MAPK10: variants seen among roughly 807,000 people sequenced by gnomAD.
The protein encoded by MAPK10 is JNK3 alpha protein kinase.
A neutral mutation model predicts 59.3 loss-of-function variants in MAPK10; 25 were observed. The ratio of observed to expected loss-of-function variants is 0.42; its 90% confidence interval spans 0.31 to 0.59. The LOEUF (loss-of-function observed/expected upper bound fraction) is 0.59, where lower values mean the gene tolerates loss of function less well. MAPK10 is among the 20% of genes least tolerant of loss of function. The probability of loss-of-function intolerance (pLI) is 0.15; values close to 1 mark genes in which losing one functional copy is unlikely to be tolerated. For synonymous variants in MAPK10, 190 were observed against 200.5 expected, an observed-to-expected ratio of 0.95 and a Z score of 0.44; for missense variants, 351 against 568.9, an observed-to-expected ratio of 0.62 and a Z score of 3.90.
At chr4:86,572,933 T>A (rs1761577891) in intron 1 of MAPK10, among the ~76,000 whole-genome samples, 1 of 152,190 alleles carries the variant, frequency 6.6e-6, no homozygotes, top group South Asian at 2.1e-4. Flanking sequence ...TATCTGGATA[T>A]CTTCTTTAGT....
intron 1 of MAPK10, among the ~76,000 whole-genome samples, chr4:86,420,719 G>A (rs748338212): frequency 3.3e-5 from 5 of 152,120 alleles, no homozygotes; most frequent in Admixed American, 6.5e-5. Flanking sequence ...AGCCTGGAAG[G>A]TCAAGGCTGC....
chr4:86,519,678 T>TTG (rs771062414), intron 1 of MAPK10, among the ~76,000 whole-genome samples: 62 of 151,754 alleles, frequency 4.1e-4, no homozygotes, highest in Non-Finnish European at 2.8e-4. Flanking sequence ...ATACCTCATT[T>TTG]TGTGTGTGTG....
At chr4:86,226,501 T>C (rs1429455047) in intron 2 of MAPK10, among the ~76,000 whole-genome samples, 3 of 152,248 alleles carry the variant, frequency 2.0e-5, no homozygotes, top group African/African-American at 7.2e-5. Flanking sequence ...AGTTTAAAGA[T>C]ATTTCAAAAT....
chr4:86,235,453 T>C (rs1563407698), intron 2 of MAPK10, among the ~76,000 whole-genome samples: 1 of 152,232 alleles, frequency 6.6e-6, no homozygotes, highest in Non-Finnish European at 1.5e-5. Context: ...GCTCACCTTG[T>C]GAAAATCCAT....
At chr4:86,034,515 T>C (rs1270036638) in intron 11 of MAPK10, among the ~76,000 whole-genome samples, 1 of 152,192 alleles carries the variant, frequency 6.6e-6, no homozygotes, top group Non-Finnish European at 1.5e-5. Context: ...TACTAGAATT[T>C]ATTTATTTCT....
intron 2 of MAPK10, among the ~76,000 whole-genome samples, chr4:86,298,936 T>G (rs2095418966): frequency 6.6e-6 from 1 of 152,212 alleles, no homozygotes; most frequent in Non-Finnish European, 1.5e-5. Flanking sequence ...GCTTCCTGCT[T>G]CTTTTATTTT....
intron 1 of MAPK10, among the ~76,000 whole-genome samples, chr4:86,586,885 C>CT (rs1398120866): frequency 6.6e-6 from 1 of 152,186 alleles, no homozygotes; most frequent in East Asian, 1.9e-4. Context: ...TTAAATTTTT[C>CT]TGTCTTAGTA....
upstream of MAPK10, among the ~76,000 whole-genome samples, chr4:86,456,428 GAAGA>G (rs1751232705): frequency 6.6e-6 from 1 of 152,058 alleles, no homozygotes; most frequent in South Asian, 2.1e-4. Context: ...ACCAAGAAAA[GAAGA>G]AAGAAAATCC....
chr4:86,032,966 A>C (rs1482984108), intron 11 of MAPK10, among the ~76,000 whole-genome samples: 2 of 152,144 alleles, frequency 1.3e-5, no homozygotes, highest in Admixed American at 1.3e-4. Context: ...AGCACTGACA[A>C]CTAAGCAAAA....
rs185149886 is a variant in MAPK10 at position 86,464,755 on chromosome 4, G to A, written c.-262-110111C>T. Among the ~76,000 whole-genome samples the A allele has an allele frequency of 6.1e-3, 928 of 150,922 alleles. 5 individuals carry two copies. The highest frequency in any genetic ancestry group is 0.01 in the Non-Finnish European group (706 of 67,810). On this transcript the variant is annotated intron_variant, in intron 1 of 4. Coordinates refer to the MAPK10 transcript ENST00000502302. ...GAGTGGCGTGAACCCAGGAGGTGGC[G>A]CTTGCAGTGAGCCGAGATCATACCA... is the stretch of plus-strand genomic sequence containing the variant.
chr4:86,194,109 A>C, intron 3 of MAPK10: 1 of 500,308 alleles, frequency 2.0e-6, no homozygotes, highest in Non-Finnish European at 3.6e-6. Context: ...GAGATGAACC[A>C]GGTACCTCAC....
intron 2 of MAPK10, among the ~76,000 whole-genome samples, chr4:86,310,123 C>G (rs1159583227): frequency 1.3e-5 from 2 of 152,158 alleles, no homozygotes; most frequent in African/African-American, 2.4e-5. Flanking sequence ...GCTCCCTCCC[C>G]CTTTTCTAGA....
At chr4:86,290,599 T>G (rs912869992) in intron 2 of MAPK10, among the ~76,000 whole-genome samples, 12 of 152,352 alleles carry the variant, frequency 7.9e-5, no homozygotes, top group African/African-American at 2.6e-4. Flanking sequence ...TCATTAGAAT[T>G]TAAAATACAT....
chr4:86,266,778 A>G (rs1292599187), intron 2 of MAPK10, among the ~76,000 whole-genome samples: 2 of 152,128 alleles, frequency 1.3e-5, no homozygotes, highest in Admixed American at 1.3e-4. Flanking sequence ...TTATTACTAA[A>G]TCTACATCTA....
chr4:86,350,805 T>C (rs1730937226), intron 2 of MAPK10, among the ~76,000 whole-genome samples: 1 of 152,188 alleles, frequency 6.6e-6, no homozygotes, highest in Admixed American at 6.5e-5. Flanking sequence ...GAAGATAGTA[T>C]GCTAGGCTAC....
intron 3 of MAPK10, among the ~76,000 whole-genome samples, chr4:86,181,377 C>T (rs2076910551): frequency 6.6e-6 from 1 of 151,896 alleles, no homozygotes; most frequent in Non-Finnish European, 1.5e-5. Flanking sequence ...TTAATTTGTA[C>T]CCTCTGTGTC....
At chr4:86,150,817 G>C (rs150364106) in intron 4 of MAPK10, among the ~76,000 whole-genome samples, 3,573 of 152,210 alleles carry the variant, frequency 0.023, 141 homozygotes, top group African/African-American at 0.081. Flanking sequence ...AGCCAAGATC[G>C]CACTACTGCA....
intron 1 of MAPK10, among the ~76,000 whole-genome samples, chr4:86,405,652 C>T (rs1348501369): frequency 6.6e-6 from 1 of 152,132 alleles, no homozygotes; most frequent in Admixed American, 6.6e-5. Flanking sequence ...ACTTTTAGAG[C>T]CACAGAATAT....
At chr4:86,220,098 A>G (rs2089093786) in intron 2 of MAPK10, among the ~76,000 whole-genome samples, 1 of 152,122 alleles carries the variant, frequency 6.6e-6, no homozygotes, top group South Asian at 2.1e-4. Flanking sequence ...CAATTATAAA[A>G]CTCATTGTAG....
Sources: gnomAD v4.1 joint callset for allele counts (sites outside exome capture counted in the v4.1 genomes callset) on GRCh38, gnomAD v4.1.1 for gene constraint, MANE v1.5 for transcripts, NCBI Gene and HGNC (gene_info 2026-07-23, HGNC 2026-07-21) for gene names.